The following APPL1 variants were observed in gnomAD, a reference collection of about 807,000 sequenced individuals.
APPL1 encodes the protein adaptor protein, phosphotyrosine interacting with PH domain and leucine zipper 1.
A neutral mutation model predicts 106.8 loss-of-function variants in APPL1; 42 were observed. The observed-to-expected ratio is 0.39, with a 90% CI of 0.31 to 0.51. APPL1 has a LOEUF of 0.51. Among genes scored for constraint, APPL1 ranks in the 20% least tolerant of loss-of-function variants. APPL1 has a pLI of 0.75. For missense variants in APPL1, 769 were observed against 858.2 expected, an observed-to-expected ratio of 0.90 and a Z score of 1.30; for synonymous variants, 263 against 281.8, an observed-to-expected ratio of 0.93 and a Z score of 0.67.
In APPL1 at chr3:57,227,938, G is replaced by A; in HGVS notation, c.54+1G>A. 1 of 1,440,600 alleles carries A rather than the reference G, an allele frequency of 6.9e-7. No homozygotes were observed. The highest frequency in any genetic ancestry group is 9.2e-7 in the Non-Finnish European group (1 of 1,089,056). The allele number at this position is 1,440,600 out of a possible 1,614,324, so 89.2% of individuals were successfully genotyped here. On this transcript the variant is annotated splice_donor_variant, in intron 1 of 21. Coordinates refer to ENST00000288266, the MANE Select transcript of APPL1 (RefSeq NM_012096.3). LOFTEE classifies it high-confidence loss of function. Reference sequence around the variant, plus strand: ...GGAGACGCTGGAGGACAGCCCGCAGGTGAGGCGCGGGAGCTGGTGGGCGAC... The same window carrying A: ...GGAGACGCTGGAGGACAGCCCGCAGATGAGGCGCGGGAGCTGGTGGGCGAC...
At chr3:57,250,998 G>A (rs1438330299) in intron 11 of APPL1, among the ~76,000 whole-genome samples, 3 of 146,844 alleles carry the variant, frequency 2.0e-5, no homozygotes, top group Non-Finnish European at 3.0e-5. Flanking sequence ...TAGTAGAGAC[G>A]GGGTTTCACC....
chr3:57,240,221 C>T (rs1282183840), intron 4 of APPL1, among the ~76,000 whole-genome samples: 6 of 140,692 alleles, frequency 4.3e-5, no homozygotes, highest in African/African-American at 1.6e-4. Context: ...TTCTCTTGTT[C>T]CTTGTGCTTT....
At chr3:57,254,028 A>T (rs2060820805) in intron 13 of APPL1, among the ~76,000 whole-genome samples, 1 of 152,086 alleles carries the variant, frequency 6.6e-6, no homozygotes, top group Non-Finnish European at 1.5e-5. Context: ...ACACCCAGCT[A>T]ATTTTTGTAT....
rs774027287 is a variant in APPL1, at chr3:57,273,137, G to A, written c.*3450G>A. The A allele has an allele frequency of 6.6e-6, 1 of 152,580 alleles. No individual in the cohort carries two copies. The highest frequency in any genetic ancestry group is 1.5e-5 in the Non-Finnish European group (1 of 68,020). The allele number at this position is 152,580 out of a possible 1,614,324, so 9.5% of individuals were successfully genotyped here. ...GGCTTCACTCATGAAATTTACTTCAGTTAATATGAGACTGGGGGTTAAGTT... is the reference window on the plus strand; with the variant it reads ...GGCTTCACTCATGAAATTTACTTCAATTAATATGAGACTGGGGGTTAAGTT... On this transcript the variant is annotated 3_prime_UTR_variant, in exon 22 of 22. Transcript: ENST00000288266.
intron 2 of APPL1, among the ~76,000 whole-genome samples, chr3:57,236,008 C>T (rs1325967825): frequency 1.3e-5 from 2 of 150,734 alleles, no homozygotes; most frequent in Non-Finnish European, 2.9e-5. Flanking sequence ...CCTAATCATG[C>T]TTATTACAAT....
chr3:57,246,036 C>T, intron 7 of APPL1, 40 bp from the exon 8 acceptor site: 2 of 1,409,066 alleles, frequency 1.4e-6, no homozygotes, highest in East Asian at 2.6e-5. Context: ...TAAATAATAG[C>T]AGATTATTTA....
chr3:57,269,464 A>G (rs1173004370), intron 21 of APPL1, 77 bp from the exon 22 acceptor site: 1 of 1,492,850 alleles, frequency 6.7e-7, no homozygotes, highest in Non-Finnish European at 9.1e-7. Context: ...GTGGCTCTCA[A>G]GAATGTATCT....
intron 16 of APPL1, among the ~76,000 whole-genome samples, chr3:57,259,489 G>A (rs1246129645): frequency 6.6e-6 from 1 of 151,844 alleles, no homozygotes; most frequent in African/African-American, 2.4e-5. Flanking sequence ...TTGAGACAGG[G>A]CTCCCTATGT....
At chr3:57,261,384 T>C (rs2060864390) in intron 19 of APPL1, among the ~76,000 whole-genome samples, 1 of 152,228 alleles carries the variant, frequency 6.6e-6, no homozygotes, top group African/African-American at 2.4e-5. Context: ...ATTGACTTAA[T>C]ATCTTTGCTA....
At chr3:57,235,958 A>G (rs894004990) in intron 2 of APPL1, among the ~76,000 whole-genome samples, 2 of 152,040 alleles carry the variant, frequency 1.3e-5, no homozygotes, top group African/African-American at 4.8e-5. Context: ...GATCTTTCCT[A>G]AGATTTGAAT....
Position 57,235,550 on chromosome 3 carries a change from C to T in APPL1, c.55-16C>T. 1.3e-6 allele frequency: 2 copies of T among 1,498,098 alleles called. No individual in the cohort carries two copies. The highest frequency in any genetic ancestry group is 1.8e-6 in the Non-Finnish European group (2 of 1,085,064). The allele number at this position is 1,498,098 out of a possible 1,614,324, so 92.8% of individuals were successfully genotyped here. Reference sequence around the variant, plus strand: ...TATAATGATTAACATAAACTTATTGCTATTGTTTTATACAGACAAGGTCTT... The same window carrying T: ...TATAATGATTAACATAAACTTATTGTTATTGTTTTATACAGACAAGGTCTT... On this transcript the variant is annotated splice_polypyrimidine_tract_variant and intron_variant, in intron 1 of 21. Transcript: ENST00000288266.
chr3:57,250,703 A>G (rs1314889290), intron 11 of APPL1, among the ~76,000 whole-genome samples: 1 of 152,118 alleles, frequency 6.6e-6, no homozygotes, highest in Non-Finnish European at 1.5e-5. Flanking sequence ...TTAAGGACAT[A>G]CAGTATAATT....
At chr3:57,251,103 G>A (rs917069971) in intron 11 of APPL1, among the ~76,000 whole-genome samples, 21 of 148,726 alleles carry the variant, frequency 1.4e-4, no homozygotes, top group Non-Finnish European at 3.0e-4. Context: ...CACCGCGCCC[G>A]GCCTGAACTT....
chr3:57,256,397 T>C (rs1277817268), intron 13 of APPL1, among the ~76,000 whole-genome samples: 1 of 152,230 alleles, frequency 6.6e-6, no homozygotes, highest in Non-Finnish European at 1.5e-5. Flanking sequence ...AGCTTTCTTA[T>C]TTTCAATTTT....
chr3:57,237,025 T>C (rs1425578046), intron 2 of APPL1, among the ~76,000 whole-genome samples: 1 of 152,214 alleles, frequency 6.6e-6, no homozygotes, highest in Admixed American at 6.5e-5. Flanking sequence ...AAATGTTCTC[T>C]TTGTTATATT....
chr3:57,258,276 C>G (rs2060847777), intron 15 of APPL1, among the ~76,000 whole-genome samples: 1 of 152,120 alleles, frequency 6.6e-6, no homozygotes, highest in Non-Finnish European at 1.5e-5. Flanking sequence ...ACCTGCCTCA[C>G]CCTCCTGAGT....
intron 15 of APPL1, 28 bp from the exon 16 acceptor site, chr3:57,259,000 T>G: frequency 5.1e-6 from 8 of 1,575,014 alleles, no homozygotes; most frequent in East Asian, 2.2e-5. Context: ...ACTGACCATG[T>G]GTTCATATTT....
intron 4 of APPL1, among the ~76,000 whole-genome samples, chr3:57,239,119 A>G (rs2060731934): frequency 6.6e-6 from 1 of 152,214 alleles, no homozygotes; most frequent in African/African-American, 2.4e-5. Flanking sequence ...TTAGAAAATC[A>G]TCAGATCTCG....
At chr3:57,247,614 T>C (rs2060781483) in intron 9 of APPL1, 137 bp downstream of exon 9, 2 of 603,544 alleles carry the variant, frequency 3.3e-6, no homozygotes, top group African/African-American at 1.9e-5. Context: ...ATGTGGTTCA[T>C]GGTTACTTCT....
Sources: gnomAD v4.1 joint callset for allele counts (sites outside exome capture counted in the v4.1 genomes callset) on GRCh38, gnomAD v4.1.1 for gene constraint, MANE v1.5 for transcripts, NCBI Gene and HGNC (gene_info 2026-07-23, HGNC 2026-07-21) for gene names.